Variants in ANK3 observed in about 807,000 individuals in gnomAD.
The protein encoded by ANK3 is ankyrin 3, also known as ankyrin-3.
ANK3 carries 57 observed loss-of-function variants against 370.9 expected under a neutral mutation model. The observed-to-expected ratio is 0.15, with a 90% CI of 0.12 to 0.19. ANK3 has a LOEUF of 0.19. Among genes scored for constraint, ANK3 ranks in the 10% least tolerant of loss-of-function variants. The probability of loss-of-function intolerance (pLI) is 1.00; values close to 1 mark genes in which losing one functional copy is unlikely to be tolerated. For synonymous variants in ANK3, 1,929 were observed against 1,946.3 expected, an observed-to-expected ratio of 0.99 and a Z score of 0.23; for missense variants, 4,439 against 5,302.1, an observed-to-expected ratio of 0.84 and a Z score of 5.06.
chr10:60,237,652 T>C (rs1211813962), intron 7 of ANK3, among the ~76,000 whole-genome samples: 1 of 152,006 alleles, frequency 6.6e-6, no homozygotes, highest in African/African-American at 2.4e-5. Context: ...AGTTTTAGGG[T>C]ACATGTGCAC....
chr10:60,332,064 C>T (rs1446178145), intron 1 of ANK3, among the ~76,000 whole-genome samples: 4 of 151,424 alleles, frequency 2.6e-5, no homozygotes, highest in East Asian at 1.9e-4. Context: ...TTCTTTTTGT[C>T]GCGGTTTAAG....
intron 1 of ANK3, among the ~76,000 whole-genome samples, chr10:60,729,479 G>A (rs1357706081): frequency 6.6e-6 from 1 of 152,096 alleles, no homozygotes; most frequent in Non-Finnish European, 1.5e-5. Context: ...TTCAACAATG[G>A]CATTCAAATT....
At chr10:60,099,648 T>C (rs999349338) in intron 28 of ANK3, among the ~76,000 whole-genome samples, 1 of 152,220 alleles carries the variant, frequency 6.6e-6, no homozygotes, top group Admixed American at 6.5e-5. Context: ...AGTCCCTATA[T>C]GTCACTTTTT....
At chr10:60,619,817 C>T (rs1391669036) in intron 1 of ANK3, among the ~76,000 whole-genome samples, 1 of 152,208 alleles carries the variant, frequency 6.6e-6, no homozygotes, top group Non-Finnish European at 1.5e-5. Flanking sequence ...CTGATGCCTA[C>T]AGTCTCCAGA....
chr10:60,415,170 A>C (rs187873480), intron 2 of ANK3, among the ~76,000 whole-genome samples: 7 of 152,244 alleles, frequency 4.6e-5, no homozygotes, highest in Admixed American at 1.3e-4. Context: ...GTTTCTTGTG[A>C]TCAGCTGTGG....
At chr10:60,253,298 C>G (rs1293150477) in intron 7 of ANK3, among the ~76,000 whole-genome samples, 1 of 152,140 alleles carries the variant, frequency 6.6e-6, no homozygotes, top group Non-Finnish European at 1.5e-5. Flanking sequence ...GGGACTTGCC[C>G]TGGACCACAT....
chr10:60,295,278 T>C (rs75323171), intron 1 of ANK3, among the ~76,000 whole-genome samples: 275 of 152,266 alleles, frequency 1.8e-3, no homozygotes, highest in African/African-American at 6.4e-3. Context: ...GGATGTGACT[T>C]TGGCCAAGAT....
chr10:60,238,772 C>A (rs1370271047), intron 7 of ANK3, among the ~76,000 whole-genome samples: 1 of 152,192 alleles, frequency 6.6e-6, no homozygotes, highest in Non-Finnish European at 1.5e-5. Flanking sequence ...TCAACTCCTG[C>A]CAAAACAGGC....
chr10:60,206,681 A>G (rs964697757), intron 10 of ANK3, among the ~76,000 whole-genome samples: 6 of 152,212 alleles, frequency 3.9e-5, no homozygotes, highest in Non-Finnish European at 8.8e-5. Context: ...GTTTACTCCA[A>G]GCATGCAGAA....
intron 1 of ANK3, among the ~76,000 whole-genome samples, chr10:60,691,431 A>G (rs977132812): frequency 6.6e-6 from 1 of 152,222 alleles, no homozygotes; most frequent in Non-Finnish European, 1.5e-5. Flanking sequence ...CTCATTCACG[A>G]GGGTTATTAT....
At chr10:60,323,708 A>G (rs990521507) in intron 1 of ANK3, among the ~76,000 whole-genome samples, 2 of 152,224 alleles carry the variant, frequency 1.3e-5, no homozygotes, top group African/African-American at 4.8e-5. Flanking sequence ...GCTCATGGTT[A>G]CGCCAGCATT....
rs546070211 is a variant in ANK3 at position 60,159,656 on chromosome 10, CAT to C, written c.2614+6933_2614+6934del. On this transcript the variant is annotated intron_variant, in intron 23 of 43. Transcript: ENST00000280772. ...ATGGAATATTCTCAAGGATAGACCA[CAT>C]GTTAGACTACAAAACAAGTCTCAAA... Among the ~76,000 whole-genome samples, 32 of 152,130 alleles carry C rather than the reference CAT, an allele frequency of 2.1e-4. 1 individual carries two copies. The East Asian group carries it at 4.4e-3, about 21-fold the overall frequency.
chr10:60,101,593 T>A (rs1175506491), intron 28 of ANK3, among the ~76,000 whole-genome samples: 2 of 152,204 alleles, frequency 1.3e-5, no homozygotes, highest in African/African-American at 4.8e-5. Flanking sequence ...CTGCCAAAGT[T>A]AAAGTTGTTC....
chr10:60,208,896 C>A (rs2096804699), intron 9 of ANK3, among the ~76,000 whole-genome samples: 1 of 152,178 alleles, frequency 6.6e-6, no homozygotes, highest in Admixed American at 6.6e-5. Context: ...TGAGGAAAGG[C>A]AAGGCATTGA....
At chr10:60,382,794 A>AATATATAT (rs1249807913) in intron 1 of ANK3, among the ~76,000 whole-genome samples, 10 of 46,778 alleles carry the variant, frequency 2.1e-4, no homozygotes, top group African/African-American at 6.5e-4. Context: ...CCTATACCTA[A>AATATATAT]ATCTATATAT....
intron 1 of ANK3, among the ~76,000 whole-genome samples, chr10:60,375,102 T>C (rs1275024087): frequency 1.3e-5 from 2 of 152,214 alleles, no homozygotes; most frequent in Non-Finnish European, 2.9e-5. Flanking sequence ...CTCTGGGTGA[T>C]CTTTGCCTCT....
intron 7 of ANK3, among the ~76,000 whole-genome samples, chr10:60,238,839 TA>T (rs1245007457): frequency 6.6e-6 from 1 of 151,766 alleles, no homozygotes; most frequent in African/African-American, 2.4e-5. Context: ...CATTTCCAGG[TA>T]AAAATATTAT....
At chr10:60,505,967 A>T (rs781742417) in intron 2 of ANK3, among the ~76,000 whole-genome samples, 3 of 152,112 alleles carry the variant, frequency 2.0e-5, no homozygotes, top group Non-Finnish European at 4.4e-5. Context: ...CTCAGAAACA[A>T]CTTGCTTCTG....
At chr10:60,553,420 C>CTTCTATTT (rs1455119474) in intron 2 of ANK3, among the ~76,000 whole-genome samples, 4 of 150,732 alleles carry the variant, frequency 2.7e-5, no homozygotes, top group Non-Finnish European at 4.5e-5. Flanking sequence ...TTAATTTCGT[C>CTTCTATTT]TTCTATTTTT....
Sources: allele counts gnomAD v4.1 joint callset (sites outside exome capture counted in the v4.1 genomes callset), GRCh38; gene constraint gnomAD v4.1.1; transcripts MANE v1.5; gene names NCBI Gene and HGNC (gene_info 2026-07-23, HGNC 2026-07-21).